The following MEIKIN variants were observed in gnomAD, a reference collection of about 807,000 sequenced individuals.
MEIKIN encodes meiotic kinetochore factor.
chr5:131,819,084 A>C (rs1210868659), intron 11 of MEIKIN, among the ~76,000 whole-genome samples: 1 of 152,176 alleles, frequency 6.6e-6, no homozygotes, highest in Non-Finnish European at 1.5e-5. Flanking sequence ...TATTATCTCC[A>C]TTTTATAAAT....
chr5:131,893,538 C>G (rs933055181), intron 8 of MEIKIN, among the ~76,000 whole-genome samples: 5 of 152,248 alleles, frequency 3.3e-5, no homozygotes, highest in African/African-American at 1.2e-4. Flanking sequence ...CTTGCACTTC[C>G]CGGGTGAGGC....
At chr5:131,835,226 A>G (rs13180548) in intron 11 of MEIKIN, among the ~76,000 whole-genome samples, 2 of 151,118 alleles carry the variant, frequency 1.3e-5, no homozygotes, top group Non-Finnish European at 2.9e-5. Context: ...ATATATGTGT[A>G]TATATATGTA....
At chr5:131,930,410 G>C (rs1751669317) in intron 5 of MEIKIN, among the ~76,000 whole-genome samples, 1 of 152,096 alleles carries the variant, frequency 6.6e-6, no homozygotes, top group Admixed American at 6.5e-5. Context: ...TGCATAGTTT[G>C]CAAATATTTT....
At chr5:131,869,218 C>T (rs1750442343) in intron 9 of MEIKIN, among the ~76,000 whole-genome samples, 1 of 152,186 alleles carries the variant, frequency 6.6e-6, no homozygotes, top group African/African-American at 2.4e-5. Flanking sequence ...ATTCAAGCAC[C>T]ATTTGTAGAA....
At chr5:131,879,896 TG>T (rs1750676894) in intron 8 of MEIKIN, among the ~76,000 whole-genome samples, 1 of 152,204 alleles carries the variant, frequency 6.6e-6, no homozygotes, top group African/African-American at 2.4e-5. Flanking sequence ...GCCTATCATA[TG>T]CATTTAAAAT....
chr5:131,944,310 T>G (rs2149656998), intron 3 of MEIKIN: 1 of 164,676 alleles, frequency 6.1e-6, no homozygotes, highest in East Asian at 1.7e-4. Context: ...CTGTAACATA[T>G]TAAACCCTTA....
At chr5:131,810,801 T>C (rs1477511837) in intron 12 of MEIKIN, among the ~76,000 whole-genome samples, 1 of 152,238 alleles carries the variant, frequency 6.6e-6, no homozygotes, top group Non-Finnish European at 1.5e-5. Context: ...ACTTTCACCA[T>C]TGTTTTTTAT....
chr5:131,894,821 G>C (rs867673543), intron 8 of MEIKIN, among the ~76,000 whole-genome samples: 1 of 152,152 alleles, frequency 6.6e-6, no homozygotes, highest in East Asian at 1.9e-4. Context: ...GGGTTTTCTA[G>C]ATATACAATC....
chr5:131,812,061 C>T (rs1772967628), intron 12 of MEIKIN, among the ~76,000 whole-genome samples: 1 of 152,116 alleles, frequency 6.6e-6, no homozygotes, highest in Admixed American at 6.5e-5. Flanking sequence ...CAAGTAATGC[C>T]CCCACTCCAA....
intron 8 of MEIKIN, among the ~76,000 whole-genome samples, chr5:131,894,872 C>T (rs888396248): frequency 3.9e-5 from 6 of 152,114 alleles, no homozygotes; most frequent in South Asian, 2.1e-4. Context: ...TCCTCTTTTC[C>T]GAACTGAATA....
intron 8 of MEIKIN, among the ~76,000 whole-genome samples, chr5:131,907,927 T>C (rs972717495): frequency 1.3e-5 from 2 of 151,910 alleles, no homozygotes; most frequent in African/African-American, 4.8e-5. Flanking sequence ...AGTAACAAGA[T>C]TGAAGCTATA....
At chr5:131,860,754 CTTTTTTT>C (rs35117395) in intron 9 of MEIKIN, among the ~76,000 whole-genome samples, 18 of 51,014 alleles carry the variant, frequency 3.5e-4, no homozygotes, top group Non-Finnish European at 5.4e-4. Context: ...GCCTGTTTGG[CTTTTTTT>C]TTTTTTTTTT....
intron 11 of MEIKIN, among the ~76,000 whole-genome samples, chr5:131,841,294 GC>G (rs1168231704): frequency 3.9e-5 from 6 of 152,262 alleles, no homozygotes; most frequent in Non-Finnish European, 7.4e-5. Flanking sequence ...GCCAGCCAAA[GC>G]ATTTCATAGG....
chr5:131,883,257 AGAG>A (rs1750727591), intron 8 of MEIKIN, among the ~76,000 whole-genome samples: 1 of 152,208 alleles, frequency 6.6e-6, no homozygotes, highest in South Asian at 2.1e-4. Flanking sequence ...TCTTAACCTC[AGAG>A]GAGAAGAGTC....
In MEIKIN at chr5:131,892,668, C is replaced by G. The variant is rs185157992; in HGVS notation, c.704-13620G>C. Among the ~76,000 whole-genome samples the G allele has an allele frequency of 7.2e-5, 11 of 152,280 alleles. No homozygotes were observed. In the East Asian group the frequency reaches 2.1e-3, roughly 29 times the overall value. On this transcript the variant is annotated intron_variant, in intron 8 of 12. Transcript: ENST00000442687. The stretch of plus-strand genomic sequence containing the variant: ...CTTTGCTATTGGTTCGAACTTCTTC[C>G]TTTAGCTCGGAGTAGTTTGATCATC...
chr5:131,874,838 A>T (rs1357797498), intron 9 of MEIKIN, among the ~76,000 whole-genome samples: 1 of 152,228 alleles, frequency 6.6e-6, no homozygotes, highest in African/African-American at 2.4e-5. Context: ...GGCTGGTTCA[A>T]CGTACGAAAA....
intron 8 of MEIKIN, among the ~76,000 whole-genome samples, chr5:131,909,188 C>G (rs191744903): frequency 6.6e-6 from 1 of 152,150 alleles, no homozygotes; most frequent in African/African-American, 2.4e-5. Flanking sequence ...TACAGTAACC[C>G]AAACAGCATG....
intron 8 of MEIKIN, among the ~76,000 whole-genome samples, chr5:131,896,343 G>A (rs929306715): frequency 6.6e-6 from 1 of 152,176 alleles, no homozygotes; most frequent in African/African-American, 2.4e-5. Flanking sequence ...ATGCGGTGCT[G>A]AGAAGAATGT....
intron 8 of MEIKIN, among the ~76,000 whole-genome samples, chr5:131,888,892 G>A (rs1452290555): frequency 6.6e-6 from 1 of 152,174 alleles, no homozygotes; most frequent in African/African-American, 2.4e-5. Context: ...TTTGTATAAG[G>A]TGTAAGGAAG....
Sources: allele counts gnomAD v4.1 joint callset (sites outside exome capture counted in the v4.1 genomes callset), GRCh38; gene constraint gnomAD v4.1.1; transcripts MANE v1.5; gene names NCBI Gene and HGNC (gene_info 2026-07-23, HGNC 2026-07-21).